UNC5D: variants seen among roughly 807,000 people sequenced by gnomAD.
The protein encoded by UNC5D is netrin receptor UNC5D.
A neutral mutation model predicts 105.4 loss-of-function variants in UNC5D; 39 were observed. That is an observed-to-expected ratio of 0.37 (90% CI 0.29 to 0.48). UNC5D has a LOEUF of 0.48. Among genes scored for constraint, UNC5D ranks in the 20% least tolerant of loss-of-function variants. The pLI is 0.98. For synonymous variants in UNC5D, 452 were observed against 450.4 expected (o/e 1.00, Z -0.04); for missense variants, 991 against 1,202.4 (o/e 0.82, Z 2.60).
At position 35,766,916 on chromosome 8, in the gene UNC5D, C is replaced by A. The variant is rs16884404; in HGVS notation, c.2328C>A (p.Ser776=). The A allele has an allele frequency of 0.023, 37,404 of 1,612,756 alleles. 2,734 individuals carry two copies. The African/African-American group carries it at 0.25, about 11-fold the overall frequency. ...CTCCCCTGCAGGAAGTCCCGTTCTC[C>A]CGCGTGTGGTGCAGTAACCGGCAGC... ...PFTACQEVPF[S]RVWCSNRQPL... Residue 776 remains serine, a synonymous_variant, in exon 15 of 17, where the codon TCC becomes TCA. Transcript: ENST00000404895.
intron 14 of UNC5D, among the ~76,000 whole-genome samples, chr8:35,762,918 C>T (rs1367091277): frequency 2.0e-5 from 3 of 152,166 alleles, no homozygotes; most frequent in Non-Finnish European, 2.9e-5. Flanking sequence ...TCTCCATCTG[C>T]TAAGAACCTA....
At chr8:35,310,264 A>G (rs2128877946) in intron 1 of UNC5D, among the ~76,000 whole-genome samples, 1 of 152,298 alleles carries the variant, frequency 6.6e-6, no homozygotes, top group East Asian at 1.9e-4. Context: ...CGTAAATGAA[A>G]TACAAGGGAT....
chr8:35,653,546 C>G (rs1823553540), intron 4 of UNC5D, among the ~76,000 whole-genome samples: 1 of 152,138 alleles, frequency 6.6e-6, no homozygotes, highest in Non-Finnish European at 1.5e-5. Flanking sequence ...ATTCTGTTTT[C>G]ACATGTCTGC....
intron 1 of UNC5D, among the ~76,000 whole-genome samples, chr8:35,313,391 C>G (rs1809043288): frequency 6.6e-6 from 1 of 152,118 alleles, no homozygotes; most frequent in East Asian, 1.9e-4. Flanking sequence ...GACTAGTCAT[C>G]AAGTTTTCTC....
intron 1 of UNC5D, among the ~76,000 whole-genome samples, chr8:35,421,537 T>C (rs1404903104): frequency 1.3e-5 from 2 of 152,248 alleles, no homozygotes; most frequent in African/African-American, 2.4e-5. Flanking sequence ...ACTTTAATAA[T>C]AGGAATTGTT....
chr8:35,512,882 T>C (rs967705583), intron 1 of UNC5D, among the ~76,000 whole-genome samples: 1 of 151,920 alleles, frequency 6.6e-6, no homozygotes, highest in Non-Finnish European at 1.5e-5. Flanking sequence ...GGTCTCACTA[T>C]ATTACCCAAA....
intron 3 of UNC5D, among the ~76,000 whole-genome samples, chr8:35,572,293 A>AC (rs1385352781): frequency 6.6e-6 from 1 of 150,558 alleles, no homozygotes; most frequent in Admixed American, 6.6e-5. Flanking sequence ...AAAAAAAAAA[A>AC]AAAAAAACCC....
intron 1 of UNC5D, among the ~76,000 whole-genome samples, chr8:35,271,688 C>CAGGTATACATATAT (rs1554499081): frequency 5.3e-4 from 5 of 9,376 alleles, no homozygotes; most frequent in Non-Finnish European, 1.3e-3. Context: ...TATATGTATA[C>CAGGTATACATATAT]ATGTATACAT....
At chr8:35,412,438 C>G (rs1178021246) in intron 1 of UNC5D, among the ~76,000 whole-genome samples, 1 of 151,590 alleles carries the variant, frequency 6.6e-6, no homozygotes, top group East Asian at 2.0e-4. Context: ...TTTCTGTTGC[C>G]TGGGCCCCTT....
intron 13 of UNC5D, among the ~76,000 whole-genome samples, chr8:35,758,391 T>C (rs923850563): frequency 1.3e-5 from 2 of 151,892 alleles, no homozygotes; most frequent in African/African-American, 4.8e-5. Context: ...CATAAAGGAG[T>C]TCAGGTTTTA....
intron 1 of UNC5D, among the ~76,000 whole-genome samples, chr8:35,431,787 C>T (rs1267988154): frequency 2.0e-5 from 3 of 152,022 alleles, no homozygotes; most frequent in African/African-American, 4.8e-5. Flanking sequence ...GTCTATATTT[C>T]GATAATGTGT....
At chr8:35,716,343 AT>A in intron 8 of UNC5D, among the ~76,000 whole-genome samples, 1 of 152,222 alleles carries the variant, frequency 6.6e-6, no homozygotes, top group Non-Finnish European at 1.5e-5. Context: ...AGAAGTCAGC[AT>A]AAGGTTAGTG....
At chr8:35,674,591 A>G (rs180979010) in intron 4 of UNC5D, among the ~76,000 whole-genome samples, 112 of 152,362 alleles carry the variant, frequency 7.4e-4, no homozygotes, top group African/African-American at 2.6e-3. Flanking sequence ...AATGCTAGAT[A>G]TCATTATTAG....
intron 1 of UNC5D, among the ~76,000 whole-genome samples, chr8:35,285,813 A>C (rs937447734): frequency 6.6e-6 from 1 of 152,156 alleles, no homozygotes; most frequent in Non-Finnish European, 1.5e-5. Flanking sequence ...TCTGACAATG[A>C]GGCTATCAAC....
intron 1 of UNC5D, among the ~76,000 whole-genome samples, chr8:35,366,948 C>T (rs1459793736): frequency 6.6e-6 from 1 of 152,130 alleles, no homozygotes; most frequent in Non-Finnish European, 1.5e-5. Context: ...TTCTACAACT[C>T]CAAGTGGGAT....
At chr8:35,279,854 A>T (rs904105965) in intron 1 of UNC5D, among the ~76,000 whole-genome samples, 2 of 152,166 alleles carry the variant, frequency 1.3e-5, no homozygotes, top group African/African-American at 4.8e-5. Context: ...TAGAAAATTG[A>T]ATCTATAGAC....
At chr8:35,564,531 C>G (rs1376938051) in intron 2 of UNC5D, among the ~76,000 whole-genome samples, 1 of 152,134 alleles carries the variant, frequency 6.6e-6, no homozygotes, top group East Asian at 1.9e-4. Context: ...CCTAGTGCCT[C>G]CATTTTACCT....
intron 1 of UNC5D, among the ~76,000 whole-genome samples, chr8:35,490,886 A>C (rs1811169856): frequency 1.3e-5 from 2 of 151,752 alleles, no homozygotes; most frequent in Admixed American, 1.3e-4. Context: ...TTTTTACCAA[A>C]ATTTTCTTTA....
chr8:35,611,459 T>C (rs1820675979), intron 4 of UNC5D, among the ~76,000 whole-genome samples: 1 of 152,226 alleles, frequency 6.6e-6, no homozygotes, highest in Non-Finnish European at 1.5e-5. Context: ...AGTAATATTA[T>C]TGTTATTAAA....
Sources: gnomAD v4.1 joint callset for allele counts (sites outside exome capture counted in the v4.1 genomes callset) on GRCh38, gnomAD v4.1.1 for gene constraint, MANE v1.5 for transcripts, NCBI Gene and HGNC (gene_info 2026-07-23, HGNC 2026-07-21) for gene names.